The following SAXO1 variants were observed in gnomAD, a reference collection of about 807,000 sequenced individuals.
SAXO1 encodes the protein 4930500O09Rik.
Under a neutral mutation model 17.5 loss-of-function variants are expected in SAXO1, and 21 were observed. The observed-to-expected ratio is 1.20, with a 90% confidence interval of 0.85 to 1.72. SAXO1 has a LOEUF of 1.72. Ranked by LOEUF, SAXO1 falls within the 40% of genes most tolerant of loss-of-function variation. The pLI is 0.00. For missense variants in SAXO1, 843 were observed against 596.0 expected, an observed-to-expected ratio of 1.41 and a Z score of -4.32; for synonymous variants, 274 against 216.5, an observed-to-expected ratio of 1.27 and a Z score of -2.33.
At position 18,928,185 on chromosome 9, in the gene SAXO1, G is replaced by A. The variant is rs1205349465; in HGVS notation, c.1292C>T (p.Thr431Ile). The A allele has an allele frequency of 2.5e-6, 4 of 1,614,078 alleles. No homozygotes were observed. The highest frequency in any genetic ancestry group is 1.3e-5 in the African/African-American group (1 of 74,922). The change falls in exon 4 of 4, where the codon ACC becomes ATC. Residue 431 changes from threonine (T) to isoleucine (I), a missense_variant. Physicochemically the swap from Thr to Ile is moderately conservative, Grantham distance 89 (BLOSUM62 -1). Coordinates refer to ENST00000380534, the MANE Select transcript of SAXO1 (RefSeq NM_153707.4). ...LASYPEPPGY[T>I]FEEVDALGHR... is the part of the protein sequence containing the mutation. ...ACCCAAAGCATCCACTTCCTCAAAG[G>A]TGTAGCCAGGAGGCTCAGGATATGA...
chr9:19,006,967 C>A (rs1834504892), intron 1 of SAXO1, among the ~76,000 whole-genome samples: 1 of 151,904 alleles, frequency 6.6e-6, no homozygotes, highest in Non-Finnish European at 1.5e-5. Flanking sequence ...ATCACGTGAA[C>A]CCGGGAGGCA....
At chr9:18,929,080 T>C in intron 3 of SAXO1, 25 bp from the exon 4 acceptor site, 1 of 1,607,376 alleles carries the variant, frequency 6.2e-7, no homozygotes, top group Non-Finnish European at 8.5e-7. Context: ...GAAGAGGTAA[T>C]TAATAATAAA....
intron 3 of SAXO1, among the ~76,000 whole-genome samples, chr9:18,936,441 G>A (rs906615399): frequency 1.3e-5 from 2 of 152,230 alleles, no homozygotes; most frequent in East Asian, 3.9e-4. Context: ...AAGGTACTTG[G>A]GGGTGGGGAG....
chr9:19,046,462 G>A (rs547945786), intron 1 of SAXO1, among the ~76,000 whole-genome samples: 104 of 152,256 alleles, frequency 6.8e-4, no homozygotes, highest in African/African-American at 2.3e-3. Flanking sequence ...TTGGGAGGCC[G>A]AGGCGGGCAG....
At chr9:19,035,024 G>A (rs1410284593), upstream of SAXO1, among the ~76,000 whole-genome samples, 1 of 152,196 alleles carries the variant, frequency 6.6e-6, no homozygotes, top group Non-Finnish European at 1.5e-5. Context: ...TGAAGATGGT[G>A]TGGACAAAAT....
chr9:18,933,501 G>C (rs1481878107), intron 3 of SAXO1, among the ~76,000 whole-genome samples: 1 of 152,130 alleles, frequency 6.6e-6, no homozygotes, highest in Non-Finnish European at 1.5e-5. Context: ...ACTACTTTTT[G>C]TGTAGATTTG....
intron 2 of SAXO1, among the ~76,000 whole-genome samples, chr9:18,948,816 C>G (rs1831904618): frequency 1.3e-5 from 2 of 152,178 alleles, no homozygotes; most frequent in South Asian, 4.1e-4. Context: ...GGAAATATAT[C>G]AGTGTCTGAA....
At chr9:18,933,206 C>A (rs1176211838) in intron 3 of SAXO1, among the ~76,000 whole-genome samples, 1 of 152,122 alleles carries the variant, frequency 6.6e-6, no homozygotes. Flanking sequence ...AGGAAGTTTC[C>A]TTCTAGTCCT....
chr9:18,960,095 C>T (rs946276055), intron 1 of SAXO1, among the ~76,000 whole-genome samples: 9 of 152,164 alleles, frequency 5.9e-5, no homozygotes, highest in East Asian at 1.9e-4. Context: ...CTGGAGAGCA[C>T]CTCATGGGCT....
intron 1 of SAXO1, among the ~76,000 whole-genome samples, chr9:19,023,009 T>A (rs1203138119): frequency 6.6e-6 from 1 of 152,158 alleles, no homozygotes; most frequent in African/African-American, 2.4e-5. Context: ...CAAAGCCTAA[T>A]AAATGCTGGA....
intron 1 of SAXO1, among the ~76,000 whole-genome samples, chr9:19,013,726 T>C (rs1374859062): frequency 6.6e-6 from 1 of 151,952 alleles, no homozygotes; most frequent in African/African-American, 2.4e-5. Flanking sequence ...TTTGTATTTT[T>C]AGTGGAAACG....
At chr9:18,941,938 T>C in intron 2 of SAXO1, 99 bp from the exon 3 acceptor site, 1 of 1,114,336 alleles carries the variant, frequency 9.0e-7, no homozygotes, top group Non-Finnish European at 1.3e-6. Context: ...TGAGAAGTCC[T>C]GTTCTACTCT....
At chr9:18,969,510 C>G (rs1374968469) in intron 1 of SAXO1, among the ~76,000 whole-genome samples, 1 of 152,236 alleles carries the variant, frequency 6.6e-6, no homozygotes, top group African/African-American at 2.4e-5. Context: ...TCATGACCCA[C>G]TATCTCACCC....
intron 1 of SAXO1, among the ~76,000 whole-genome samples, chr9:19,029,562 C>T (rs1223949987): frequency 2.0e-5 from 3 of 151,854 alleles, no homozygotes; most frequent in Admixed American, 2.0e-4. Context: ...GGTCACTGAG[C>T]AGATTTAATT....
chr9:18,933,992 G>C (rs1028558196), intron 3 of SAXO1, among the ~76,000 whole-genome samples: 5 of 152,194 alleles, frequency 3.3e-5, no homozygotes, highest in African/African-American at 1.2e-4. Flanking sequence ...CTTGCAGTGA[G>C]CCGAGATTGC....
chr9:18,962,640 C>A (rs1367735342), intron 1 of SAXO1, among the ~76,000 whole-genome samples: 1 of 147,146 alleles, frequency 6.8e-6, no homozygotes, highest in Non-Finnish European at 1.5e-5. Flanking sequence ...TATCGTTCAC[C>A]CACTTTTTGA....
intron 1 of SAXO1, among the ~76,000 whole-genome samples, chr9:19,013,075 C>T (rs1834818732): frequency 6.6e-6 from 1 of 152,130 alleles, no homozygotes; most frequent in Non-Finnish European, 1.5e-5. Context: ...ACAGGCACCT[C>T]TTGCATGCCT....
chr9:19,040,094 C>G (rs566882718), intron 1 of SAXO1, among the ~76,000 whole-genome samples: 9 of 152,206 alleles, frequency 5.9e-5, no homozygotes, highest in East Asian at 3.9e-4. Flanking sequence ...CACTGTGAAT[C>G]TTTTATTTAA....
intron 1 of SAXO1, among the ~76,000 whole-genome samples, chr9:18,961,782 G>C (rs1832496308): frequency 6.6e-6 from 1 of 152,136 alleles, no homozygotes; most frequent in African/African-American, 2.4e-5. Context: ...ATTGTGAATA[G>C]TGCTTCAATA....
Sources: gnomAD v4.1 joint callset for allele counts (sites outside exome capture counted in the v4.1 genomes callset) on GRCh38, gnomAD v4.1.1 for gene constraint, MANE v1.5 for transcripts, NCBI Gene and HGNC (gene_info 2026-07-23, HGNC 2026-07-21) for gene names.